The following DNM1L variants were observed in gnomAD, a reference collection of about 807,000 sequenced individuals.
The protein encoded by DNM1L is dynamin-1-like protein.
DNM1L carries 33 observed loss-of-function variants against 92.8 expected under a neutral mutation model. The observed-to-expected ratio is 0.36, with a 90% CI of 0.27 to 0.48. The LOEUF is 0.48. DNM1L is among the 20% of genes least tolerant of loss of function. The pLI is 0.99. For missense variants in DNM1L, 485 were observed against 888.8 expected, an observed-to-expected ratio of 0.55 and a Z score of 5.78; for synonymous variants, 284 against 305.0, an observed-to-expected ratio of 0.93 and a Z score of 0.72.
rs886049293 is a variant in DNM1L, at chr12:32,744,649, G to A, written c.*1239G>A. On this transcript the variant is annotated 3_prime_UTR_variant, in exon 20 of 20. Transcript: ENST00000549701. ...AATTGCTTGACCCTGGGAGGTGGAGGTTGTGGTGAGCTAAGATCGTGCCAT... is the reference window on the plus strand; with the variant it reads ...AATTGCTTGACCCTGGGAGGTGGAGATTGTGGTGAGCTAAGATCGTGCCAT... 1.0e-4 allele frequency: 31 copies of A among 308,176 alleles called. No homozygotes were observed. Among genetic ancestry groups the A allele is most frequent in the Non-Finnish European group, 1.8e-4 (29 of 160,958 alleles). 19.1% of individuals were successfully genotyped at this position (308,176 alleles called of 1,614,324 possible). A position where few individuals can be genotyped will look rare whatever the true frequency, so the allele number is the denominator to read the frequency against.
chr12:32,723,818 T>C (rs2137455784), intron 9 of DNM1L, among the ~76,000 whole-genome samples: 1 of 151,682 alleles, frequency 6.6e-6, no homozygotes, highest in Admixed American at 6.6e-5. Context: ...AAGGAAATGA[T>C]TTTGAAAATA....
intron 1 of DNM1L, among the ~76,000 whole-genome samples, chr12:32,695,656 A>T (rs1452394788): frequency 6.6e-6 from 1 of 152,060 alleles, no homozygotes; most frequent in African/African-American, 2.4e-5. Flanking sequence ...GTGTAGTCCC[A>T]GCTACTCGGG....
At chr12:32,715,729 CAAAAA>C (rs150096851) in intron 6 of DNM1L, among the ~76,000 whole-genome samples, 1 of 150,010 alleles carries the variant, frequency 6.7e-6, no homozygotes, top group African/African-American at 2.4e-5. Context: ...AGGACAGTCT[CAAAAA>C]AAAAGAAAAA....
At chr12:32,710,091 T>G (rs1953067648) in intron 4 of DNM1L, among the ~76,000 whole-genome samples, 1 of 152,166 alleles carries the variant, frequency 6.6e-6, no homozygotes, top group African/African-American at 2.4e-5. Flanking sequence ...TGTAGTTGAT[T>G]CAATCCTAAT....
chr12:32,697,983 ATTTTT>A (rs201116273), intron 1 of DNM1L, among the ~76,000 whole-genome samples: 1 of 147,748 alleles, frequency 6.8e-6, no homozygotes, highest in Non-Finnish European at 1.5e-5. Flanking sequence ...AGAGAATTTG[ATTTTT>A]TTTTTTTATG....
intron 2 of DNM1L, among the ~76,000 whole-genome samples, chr12:32,706,371 T>C (rs950125759): frequency 3.3e-5 from 5 of 152,238 alleles, no homozygotes; most frequent in Non-Finnish European, 7.3e-5. Context: ...TATGCATTAT[T>C]CAATACACTT....
intron 1 of DNM1L, among the ~76,000 whole-genome samples, chr12:32,694,720 T>A (rs1163195435): frequency 6.6e-6 from 1 of 152,154 alleles, no homozygotes; most frequent in Admixed American, 6.6e-5. Flanking sequence ...GAAAATTAGT[T>A]GACTATGTTT....
intron 1 of DNM1L, among the ~76,000 whole-genome samples, chr12:32,681,248 C>T (rs191264896): frequency 1.3e-5 from 2 of 152,144 alleles, no homozygotes; most frequent in African/African-American, 4.8e-5. Flanking sequence ...TTATTTCCAT[C>T]TAAGTTCTTA....
In DNM1L at chr12:32,738,474, TAAC is replaced by T. The variant is rs200215665; in HGVS notation, c.1707+181_1707+183del. On this transcript the variant is annotated intron_variant, in intron 16 of 19. Coordinates refer to ENST00000549701, the MANE Select transcript of DNM1L (RefSeq NM_012062.5). ...TGGCATTAAACGTTGTTTTAATTAG[TAAC>T]AATAATAGGCTTTCTCACTGTTTTG... is the stretch of plus-strand genomic sequence containing the variant. Among the ~76,000 whole-genome samples the T allele has an allele frequency of 2.4e-4, 36 of 152,312 alleles. No individual in the cohort carries two copies. In the East Asian group the frequency reaches 6.7e-3, roughly 29 times the overall value.
In DNM1L at chr12:32,743,308, C is replaced by T. The variant is rs780138406; in HGVS notation, c.2155-46C>T. 4.5e-6 allele frequency: 7 copies of T among 1,554,650 alleles called. No individual in the cohort carries two copies. The Admixed American group carries it at 1.2e-4, about 26-fold the overall frequency. On this transcript the variant is annotated intron_variant, in intron 19 of 19. Transcript: ENST00000549701. ...TACCCTGCGTAATTCAGATTAATTT[C>T]ATAACTTTATAATAAGCATTTAAAA...
At chr12:32,715,093 CTTTT>C (rs369946346) in intron 6 of DNM1L, among the ~76,000 whole-genome samples, 3 of 139,832 alleles carry the variant, frequency 2.1e-5, no homozygotes, top group African/African-American at 2.6e-5. Context: ...TTAATCTAAT[CTTTT>C]TTTTTTTTTT....
At position 32,744,605 on chromosome 12, in the gene DNM1L, C is replaced by A. The variant is rs1335574166; in HGVS notation, c.*1195C>A. The A allele has an allele frequency of 3.6e-5, 9 of 249,802 alleles. No homozygotes were observed. Among genetic ancestry groups the A allele is most frequent in the African/African-American group, 4.7e-5 (2 of 42,360 alleles). 15.5% of individuals were successfully genotyped at this position (249,802 alleles called of 1,614,324 possible). The stretch of plus-strand genomic sequence containing the variant: ...GCGCATGCCTGTAATCCCAGCTACT[C>A]GGGAGGGTGAGGCAGGAGAATTGCT... On this transcript the variant is annotated 3_prime_UTR_variant, in exon 20 of 20. Transcript: ENST00000549701.
At chr12:32,723,092 G>C (rs1031421997) in intron 9 of DNM1L, among the ~76,000 whole-genome samples, 1 of 150,978 alleles carries the variant, frequency 6.6e-6, no homozygotes, top group African/African-American at 2.4e-5. Context: ...AATTCCTTGA[G>C]CTCAGGAGTT....
chr12:32,743,282 T>A, intron 19 of DNM1L, 72 bp from the exon 20 acceptor site: 1 of 1,382,554 alleles, frequency 7.2e-7, no homozygotes, highest in Non-Finnish European at 1.0e-6. Context: ...ATTGGAAAAA[T>A]TACCCTGCGT....
chr12:32,717,800 CTG>C lies in DNM1L; in HGVS notation c.620-842_620-841del, dbSNP rs1435229986. Among the ~76,000 whole-genome samples the C allele has an allele frequency of 1.1e-4, 12 of 109,384 alleles. No individual in the cohort carries two copies. In the South Asian group the frequency reaches 3.1e-3, roughly 28 times the overall value. 71.8% of individuals were successfully genotyped at this position (109,384 alleles called of 152,430 possible). Reference sequence around the variant, plus strand: ...CCTAGGTAGATATATATATTTGTAACTGAAATATATATACTATAAAATATATA... The same window carrying C: ...CCTAGGTAGATATATATATTTGTAACAAATATATATACTATAAAATATATA... On this transcript the variant is annotated intron_variant, in intron 6 of 19. Coordinates refer to ENST00000549701, the MANE Select transcript of DNM1L (RefSeq NM_012062.5).
chr12:32,723,890 A>G (rs758954497), intron 9 of DNM1L, among the ~76,000 whole-genome samples: 7 of 152,188 alleles, frequency 4.6e-5, no homozygotes, highest in Non-Finnish European at 8.8e-5. Flanking sequence ...CAGGAGAGGA[A>G]TGGATAGCAT....
chr12:32,721,430 A>G (rs1953796487), intron 8 of DNM1L, among the ~76,000 whole-genome samples: 1 of 152,186 alleles, frequency 6.6e-6, no homozygotes, highest in Non-Finnish European at 1.5e-5. Context: ...CCAAAATTAT[A>G]TAGGAAGAAT....
At chr12:32,718,603 C>G in intron 6 of DNM1L, 40 bp from the exon 7 acceptor site, 2 of 1,612,134 alleles carry the variant, frequency 1.2e-6, no homozygotes, top group Non-Finnish European at 1.7e-6. Flanking sequence ...GGATCATTTT[C>G]TTTCTTTTCT....
rs1024736304 is a variant in DNM1L, at chr12:32,743,720, T to G, written c.*310T>G. On this transcript the variant is annotated 3_prime_UTR_variant, in exon 20 of 20. Coordinates refer to ENST00000549701, the MANE Select transcript of DNM1L (RefSeq NM_012062.5). ...CTAGTTGTGCAAAGCAGTTTGCCTG[T>G]GGATAAGATGACCTGTGTAATAATC... The G allele has an allele frequency of 5.4e-6, 2 of 371,044 alleles. No individual in the cohort carries two copies. Among genetic ancestry groups the G allele is most frequent in the Non-Finnish European group, 1.0e-5 (2 of 200,462 alleles). The allele number at this position is 371,044 out of a possible 1,614,324, so 23.0% of individuals were successfully genotyped here.
Sources: gnomAD v4.1 joint callset for allele counts (sites outside exome capture counted in the v4.1 genomes callset) on GRCh38, gnomAD v4.1.1 for gene constraint, MANE v1.5 for transcripts, NCBI Gene and HGNC (gene_info 2026-07-23, HGNC 2026-07-21) for gene names.